The following PNN variants were observed in gnomAD, a reference collection of about 807,000 sequenced individuals.
The protein encoded by PNN is pinin, desmosome associated protein.
Under a neutral mutation model 76.6 loss-of-function variants are expected in PNN, and 38 were observed. The ratio of observed to expected loss-of-function variants is 0.50; its 90% CI spans 0.38 to 0.65. PNN has a LOEUF of 0.65. Among genes scored for constraint, PNN ranks in the 30% least tolerant of loss-of-function variants. The probability of loss-of-function intolerance (pLI) is 0.00; values close to 1 mark genes in which losing one functional copy is unlikely to be tolerated. For missense variants in PNN, 873 were observed against 874.1 expected (o/e 1.00, Z 0.02); for synonymous variants, 366 against 283.7 (o/e 1.29, Z -2.91).
At chr14:39,175,510 C>T (rs1008811894) in intron 1 of PNN, 118 bp downstream of exon 1, 2 of 695,376 alleles carry the variant, frequency 2.9e-6, no homozygotes, top group African/African-American at 1.8e-5. Context: ...GAGGCCTGTT[C>T]GCGGGGCGGC....
At chr14:39,178,135 T>C (rs1246300729) in intron 6 of PNN, among the ~76,000 whole-genome samples, 4 of 151,640 alleles carry the variant, frequency 2.6e-5, no homozygotes, top group Non-Finnish European at 5.9e-5. Context: ...CCTTGAAATT[T>C]AGATATGTGA....
In PNN at chr14:39,181,227, A is replaced by G; in HGVS notation, c.1518A>G (p.Ser506=). Residue 506 remains serine (S), a synonymous_variant, in exon 9 of 9, where the codon TCA becomes TCG. Transcript: ENST00000216832. ...CTCCCTCTCAGCCTGAGGATTTGTC[A>G]TTAGCTGTTTTACAGCCAACACCCC... ...SQPPSQPEDL[S]LAVLQPTPQV... 1.2e-6 allele frequency: 2 copies of G among 1,613,976 alleles called. No homozygotes were observed. Among genetic ancestry groups the G allele is most frequent in the Non-Finnish European group, 1.7e-6 (2 of 1,179,870 alleles).
chr14:39,180,937 C>T lies in PNN; in HGVS notation c.1228C>T (p.Arg410Ter), dbSNP rs2053264705. Residue 410 changes from arginine (R) to a stop codon, truncating the protein, a stop_gained, in exon 9 of 9, where the codon CGA (arginine) becomes TGA (stop). Coordinates refer to ENST00000216832, the MANE Select transcript of PNN (RefSeq NM_002687.4). LOFTEE classifies it high-confidence loss of function. ...TGACCAGGAGGTAATGGAAACTAATCGAGTTGAAAGTGTAGAACCTTCAGA... is the reference window on the plus strand; with the variant it reads ...TGACCAGGAGGTAATGGAAACTAATTGAGTTGAAAGTGTAGAACCTTCAGA... The part of the protein sequence containing the change: ...IADQEVMETN[R>*]VESVEPSENE... The T allele has an allele frequency of 6.2e-7, 1 of 1,613,826 alleles. No individual in the cohort carries two copies. Among genetic ancestry groups the T allele is most frequent in the African/African-American group, 1.3e-5 (1 of 74,852 alleles).
At chr14:39,175,510 C>G in intron 1 of PNN, 118 bp downstream of exon 1, 3 of 695,494 alleles carry the variant, frequency 4.3e-6, no homozygotes, top group Non-Finnish European at 7.6e-6. Context: ...GAGGCCTGTT[C>G]GCGGGGCGGC....
intron 1 of PNN, among the ~76,000 whole-genome samples, chr14:39,175,625 A>G (rs1368945095): frequency 1.3e-5 from 2 of 152,192 alleles, no homozygotes; most frequent in East Asian, 3.9e-4. Context: ...GTGCGCCGGC[A>G]TGCTTTCTTG....
chr14:39,175,542 G>A, intron 1 of PNN, 150 bp downstream of exon 1: 2 of 661,448 alleles, frequency 3.0e-6, no homozygotes, highest in Non-Finnish European at 5.4e-6. Flanking sequence ...TGTTGTCGCC[G>A]AGGTGGAGAG....
chr14:39,178,950 T>G (rs181311217), intron 6 of PNN, 141 bp from the exon 7 acceptor site: 1 of 743,396 alleles, frequency 1.3e-6, no homozygotes, highest in Non-Finnish European at 2.1e-6. Flanking sequence ...GCTTCTGACT[T>G]CAGATGATCT....
At chr14:39,177,550 A>C in intron 4 of PNN, 43 bp from the exon 5 acceptor site, 1 of 1,591,900 alleles carries the variant, frequency 6.3e-7, no homozygotes, top group Non-Finnish European at 8.6e-7. Context: ...AAAGCACACC[A>C]CTCATATGCT....
At position 39,177,838 on chromosome 14, in the gene PNN, T is replaced by C. The variant is rs2053240919; in HGVS notation, c.423-3T>C. Reference sequence around the variant, plus strand: ...CAGTAAATTTTCTTATTCTGTTCTTTAGGAACCGGCGAATATTTGGCTTGT... The same window carrying C: ...CAGTAAATTTTCTTATTCTGTTCTTCAGGAACCGGCGAATATTTGGCTTGT... On this transcript the variant is annotated splice_polypyrimidine_tract_variant and splice_region_variant and intron_variant, in intron 5 of 8. Transcript: ENST00000216832. 1.2e-6 allele frequency: 2 copies of C among 1,607,568 alleles called. No homozygotes were observed. Among genetic ancestry groups the C allele is most frequent in the Non-Finnish European group, 1.7e-6 (2 of 1,174,444 alleles).
chr14:39,175,583 T>C (rs542213836), intron 1 of PNN, among the ~76,000 whole-genome samples, 191 bp downstream of exon 1: 1 of 152,306 alleles, frequency 6.6e-6, no homozygotes, highest in East Asian at 1.9e-4. Flanking sequence ...AGCGCTGGTC[T>C]CAGGTCCCTG....
chr14:39,179,453 A>G lies in PNN; in HGVS notation c.784A>G (p.Lys262Glu), dbSNP rs1028358664. The part of the protein sequence containing the change: ...TQKLIEESQR[K>E]MNALFEGRRI... ...AAAACTAATAGAAGAGTCACAGAGA[A>G]AAATGAACGGTAAGTATGCGAAGAG... Residue 262 changes from lysine to glutamate, a missense_variant, in exon 8 of 9, where the codon AAA becomes GAA. Around this residue, in one of 3 missense-constraint regions of PNN, gnomAD observed 712 missense variants for 693.1 expected, o/e 1.03. Transcript: ENST00000216832. 1 of 1,612,058 alleles carries G rather than the reference A, an allele frequency of 6.2e-7. No individual in the cohort carries two copies. Among genetic ancestry groups the G allele is most frequent in the South Asian group, 1.1e-5 (1 of 90,904 alleles).
At position 39,181,877 on chromosome 14, in the gene PNN, G is replaced by C. The variant is rs2053273122; in HGVS notation, c.*14G>C. 6.5e-7 allele frequency: 1 copy of C among 1,550,046 alleles called. No individual in the cohort carries two copies. Among genetic ancestry groups the C allele is most frequent in the East Asian group, 2.2e-5 (1 of 44,538 alleles). On this transcript the variant is annotated 3_prime_UTR_variant, in exon 9 of 9. Transcript: ENST00000216832. ...AAAAGGCGTTAATGGAAGAAGCCAG[G>C]CTTTCTTAGCCATTCTTTGCAGCAG...
chr14:39,178,728 A>G (rs868206073), intron 6 of PNN, among the ~76,000 whole-genome samples: 134 of 122,948 alleles, frequency 1.1e-3, no homozygotes, highest in African/African-American at 4.1e-3. Context: ...CATAGTGAAA[A>G]AAAAAAAAAA....
rs927203371 is a variant in PNN at position 39,182,096 on chromosome 14, TAAAA to T, written c.*237_*240del. On this transcript the variant is annotated 3_prime_UTR_variant, in exon 9 of 9. Transcript: ENST00000216832. ...CCAAAATATGTAAAAATGATAATAA[TAAAA>T]AAAGATTAACATCCCTTGTCATCTT... The T allele has an allele frequency of 6.2e-5, 25 of 403,926 alleles. No individual in the cohort carries two copies. Among genetic ancestry groups the T allele is most frequent in the South Asian group, 2.4e-4 (6 of 25,028 alleles). The allele number at this position is 403,926 out of a possible 1,614,324, so 25.0% of individuals were successfully genotyped here.
intron 5 of PNN, 56 bp from the exon 6 acceptor site, chr14:39,177,785 T>C: frequency 6.8e-7 from 1 of 1,465,922 alleles, no homozygotes; most frequent in South Asian, 1.1e-5. Context: ...TAGAAAATGA[T>C]GGGTTTAAAT....
chr14:39,178,730 A>G (rs2053248377), intron 6 of PNN, among the ~76,000 whole-genome samples: 1 of 147,032 alleles, frequency 6.8e-6, no homozygotes, highest in Non-Finnish European at 1.5e-5. Context: ...TAGTGAAAAA[A>G]AAAAAAAAAA....
At chr14:39,175,417 A>G (rs1436361089) in intron 1 of PNN, 25 bp downstream of exon 1, 2 of 1,429,538 alleles carry the variant, frequency 1.4e-6, no homozygotes, top group East Asian at 4.6e-5. Context: ...GGAACTCGGA[A>G]CTCGGAGCTC....
intron 1 of PNN, chr14:39,175,805 C>T (rs1053035439): frequency 1.0e-5 from 5 of 489,368 alleles, no homozygotes; most frequent in Non-Finnish European, 1.8e-5. Flanking sequence ...CGTGCAGCCT[C>T]CTCGGGGATG....
Position 39,177,396 on chromosome 14 carries a change from A to T in PNN, c.255-16A>T. The T allele has an allele frequency of 6.2e-7, 1 of 1,611,218 alleles. No homozygotes were observed. The highest frequency in any genetic ancestry group is 8.5e-7 in the Non-Finnish European group (1 of 1,178,070). On this transcript the variant is annotated splice_polypyrimidine_tract_variant and intron_variant, in intron 3 of 8. Coordinates refer to ENST00000216832, the MANE Select transcript of PNN (RefSeq NM_002687.4). Reference sequence around the variant, plus strand: ...GTGAAACCCTGTCTCAAAAAAATTAATATTTTCTATGACAGGCTGGGCGGG... The same window carrying T: ...GTGAAACCCTGTCTCAAAAAAATTATTATTTTCTATGACAGGCTGGGCGGG...
Sources: gnomAD v4.1 joint callset for allele counts (sites outside exome capture counted in the v4.1 genomes callset) on GRCh38, gnomAD v4.1.1 for gene constraint, gnomAD v4.1.1 regional missense constraint, MANE v1.5 for transcripts, NCBI Gene and HGNC (gene_info 2026-07-23, HGNC 2026-07-21) for gene names.